PLXNA2: variants seen among roughly 807,000 people sequenced by gnomAD.
PLXNA2 encodes the protein plexin A2, also known as plexin-A2.
A neutral mutation model predicts 193.5 loss-of-function variants in PLXNA2; 91 were observed. The ratio of observed to expected loss-of-function variants is 0.47; its 90% confidence interval spans 0.40 to 0.56. PLXNA2 has a LOEUF of 0.56. Ranked by LOEUF, PLXNA2 falls within the 20% of genes least tolerant of loss-of-function variation. The pLI, the probability that PLXNA2 is intolerant of heterozygous loss-of-function variation, is 0.00. For missense variants in PLXNA2, 1,995 were observed against 2,503.2 expected (o/e 0.80, Z 4.33); for synonymous variants, 997 against 1,027.3 (o/e 0.97, Z 0.56).
rs1455578134 is a variant in PLXNA2 at position 208,087,025 on chromosome 1, CAG to C, written c.2098-2447_2098-2446del. Among the ~76,000 whole-genome samples, 21 of 145,282 alleles carry C rather than the reference CAG, an allele frequency of 1.4e-4. No homozygotes were observed. The East Asian group carries it at 4.3e-3, about 30-fold the overall frequency. On this transcript the variant is annotated intron_variant, in intron 9 of 31. Coordinates refer to ENST00000367033, the MANE Select transcript of PLXNA2 (RefSeq NM_025179.4). ...AGAGAGAGAGAGAGAGACAGACAGACAGACAGAGAGACAGAGAGAAAGAGAGA... is the reference window on the plus strand; with the variant it reads ...AGAGAGAGAGAGAGAGACAGACAGACACAGAGAGACAGAGAGAAAGAGAGA...
chr1:208,162,035 C>T (rs551395861), intron 3 of PLXNA2, among the ~76,000 whole-genome samples: 1 of 152,186 alleles, frequency 6.6e-6, no homozygotes, highest in African/African-American at 2.4e-5. Flanking sequence ...TCCCCTTCTT[C>T]GCCCTGGAGT....
chr1:208,239,115 G>A (rs1671962302), intron 1 of PLXNA2, among the ~76,000 whole-genome samples: 2 of 151,370 alleles, frequency 1.3e-5, no homozygotes, highest in African/African-American at 2.4e-5. Flanking sequence ...ACGGCTGGGA[G>A]TTTCGAATAT....
At chr1:208,166,450 T>C (rs555783935) in intron 3 of PLXNA2, among the ~76,000 whole-genome samples, 4 of 152,352 alleles carry the variant, frequency 2.6e-5, no homozygotes, top group African/African-American at 9.6e-5. Context: ...AGGAAGGCAT[T>C]CAAATACAGC....
At chr1:208,126,439 T>G (rs1667978806) in intron 4 of PLXNA2, among the ~76,000 whole-genome samples, 1 of 152,308 alleles carries the variant, frequency 6.6e-6, no homozygotes, top group East Asian at 1.9e-4. Flanking sequence ...GACTGCCCAG[T>G]GCTACCAAGG....
intron 4 of PLXNA2, among the ~76,000 whole-genome samples, chr1:208,132,530 TTA>T (rs1284916962): frequency 1.3e-5 from 2 of 152,194 alleles, no homozygotes; most frequent in East Asian, 3.8e-4. Flanking sequence ...ACAATAATAC[TTA>T]TCTCATAGGA....
intron 12 of PLXNA2, among the ~76,000 whole-genome samples, chr1:208,077,302 A>C (rs1666191007): frequency 6.6e-6 from 1 of 152,194 alleles, no homozygotes; most frequent in South Asian, 2.1e-4. Context: ...GGGAAAATCA[A>C]TTACAGCATA....
At chr1:208,068,939 T>C (rs1571881497) in intron 12 of PLXNA2, among the ~76,000 whole-genome samples, 1 of 152,306 alleles carries the variant, frequency 6.6e-6, no homozygotes, top group African/African-American at 2.4e-5. Flanking sequence ...TATTGACTGG[T>C]TGTAGAATAA....
At chr1:208,243,308 A>G (rs1672122016) in intron 1 of PLXNA2, among the ~76,000 whole-genome samples, 1 of 152,054 alleles carries the variant, frequency 6.6e-6, no homozygotes, top group Admixed American at 6.5e-5. Flanking sequence ...AGCTCCCCAA[A>G]GCCGCAGAGC....
chr1:208,217,466 G>A lies in PLXNA2; in HGVS notation c.457C>T (p.His153Tyr). The A allele has an allele frequency of 6.2e-7, 1 of 1,614,202 alleles. No homozygotes were observed. The highest frequency in any genetic ancestry group is 8.5e-7 in the Non-Finnish European group (1 of 1,180,034). ...DDLFILVEPS[H>Y]KKEHYLSSVN... Reference sequence around the variant, plus strand: ...CTGGACAGGTAGTGCTCCTTCTTGTGGGATGGCTCCACCAGGATGAAGAGG... The same window carrying A: ...CTGGACAGGTAGTGCTCCTTCTTGTAGGATGGCTCCACCAGGATGAAGAGG... The change falls in exon 2 of 32, where the codon CAC becomes TAC. Residue 153 changes from histidine (H) to tyrosine (Y), a missense_variant. This residue lies in a region of PLXNA2 where 702 missense variants were observed against 812.9 expected (regional missense o/e 0.86). Transcript: ENST00000367033. The surrounding 1 kb of genome is among the most constrained non-coding windows in gnomAD (Gnocchi z 4.7).
At chr1:208,146,021 AG>A (rs1307529809) in intron 3 of PLXNA2, among the ~76,000 whole-genome samples, 1 of 152,142 alleles carries the variant, frequency 6.6e-6, no homozygotes, top group Non-Finnish European at 1.5e-5. Flanking sequence ...AGATACGTAT[AG>A]GGGGTCAGAG....
chr1:208,232,830 CT>C (rs1159746407), intron 1 of PLXNA2, among the ~76,000 whole-genome samples: 1 of 152,200 alleles, frequency 6.6e-6, no homozygotes, highest in Non-Finnish European at 1.5e-5. Flanking sequence ...TGAGAACCAA[CT>C]TTACTTACTT....
At position 208,031,487 on chromosome 1, in the gene PLXNA2, C is replaced by T. The variant is rs973983265; in HGVS notation, c.5225+103G>A. ...GAGCTTTGGATCACCCAGCCCCAGC[C>T]GAGAATAGGCTATCCTCCCACCCTC... is the stretch of plus-strand genomic sequence containing the variant. On this transcript the variant is annotated intron_variant, in intron 29 of 31. Coordinates refer to ENST00000367033, the MANE Select transcript of PLXNA2 (RefSeq NM_025179.4). 72 of 1,461,914 alleles carry T rather than the reference C, an allele frequency of 4.9e-5. No homozygotes were observed. The South Asian group carries it at 6.6e-4, about 13-fold the overall frequency. The allele number at this position is 1,461,914 out of a possible 1,614,324, so 90.6% of individuals were successfully genotyped here.
intron 3 of PLXNA2, among the ~76,000 whole-genome samples, chr1:208,188,098 T>C (rs1015718058): frequency 3.9e-5 from 6 of 152,250 alleles, no homozygotes; most frequent in Admixed American, 2.6e-4. Context: ...TTTATGAGAA[T>C]GGAGCCCCCA....
At position 208,210,445 on chromosome 1, in the gene PLXNA2, A is replaced by G; in HGVS notation, c.1206T>C (p.Asp402=). The change falls in exon 3 of 32, where the codon GAT becomes GAC. Residue 402 remains aspartate, a synonymous_variant. Coordinates refer to ENST00000367033, the MANE Select transcript of PLXNA2 (RefSeq NM_025179.4). ...GGTTGATGTCCAGTCCACAGAAGTT[A>G]TCATCGATGGGGACAGGCTGGAGGG... is the stretch of plus-strand genomic sequence containing the variant. ...QCTKAPVPID[D]NFCGLDINQP... 1 of 1,612,782 alleles carries G rather than the reference A, an allele frequency of 6.2e-7. No homozygotes were observed. Among genetic ancestry groups the G allele is most frequent in the Non-Finnish European group, 8.5e-7 (1 of 1,179,148 alleles).
chr1:208,210,469 G>A lies in PLXNA2; in HGVS notation c.1189-7C>T. ...TATCATCGATGGGGACAGGCTGGAGGGAAGCGGAAGGAATTGGGGTGAGTA... is the reference window on the plus strand; with the variant it reads ...TATCATCGATGGGGACAGGCTGGAGAGAAGCGGAAGGAATTGGGGTGAGTA... On this transcript the variant is annotated splice_polypyrimidine_tract_variant and splice_region_variant and intron_variant, in intron 2 of 31. Coordinates refer to ENST00000367033, the MANE Select transcript of PLXNA2 (RefSeq NM_025179.4). The A allele has an allele frequency of 6.2e-7, 1 of 1,605,910 alleles. No homozygotes were observed. Among genetic ancestry groups the A allele is most frequent in the Non-Finnish European group, 8.5e-7 (1 of 1,174,758 alleles).
At chr1:208,223,148 C>T (rs1229328185) in intron 1 of PLXNA2, among the ~76,000 whole-genome samples, 1 of 150,260 alleles carries the variant, frequency 6.7e-6, no homozygotes, top group Non-Finnish European at 1.5e-5. Context: ...AGTCCGTCTT[C>T]TCCTTCAGCT....
chr1:208,051,255 C>A lies in PLXNA2; in HGVS notation c.3161+1G>T. 1.2e-6 allele frequency: 2 copies of A among 1,604,188 alleles called. No individual in the cohort carries two copies. The highest frequency in any genetic ancestry group is 1.1e-5 in the South Asian group (1 of 90,206). ...TGCATCCCTCCCACCTTCCACCTCA[C>A]CTGGCAATGCTCCACTCTGGCTCGA... is the stretch of plus-strand genomic sequence containing the variant. On this transcript the variant is annotated splice_donor_variant, in intron 16 of 31. Transcript: ENST00000367033. LOFTEE classifies it high-confidence loss of function.
At chr1:208,063,989 C>T (rs765840808) in intron 12 of PLXNA2, among the ~76,000 whole-genome samples, 37 of 152,208 alleles carry the variant, frequency 2.4e-4, no homozygotes, top group African/African-American at 8.2e-4. Flanking sequence ...CGTCTAAAAA[C>T]GAACTCTTAA....
intron 3 of PLXNA2, among the ~76,000 whole-genome samples, chr1:208,146,791 G>T (rs949020853): frequency 6.6e-6 from 1 of 152,178 alleles, no homozygotes; most frequent in Non-Finnish European, 1.5e-5. Flanking sequence ...ACCAGGCAGC[G>T]GAGGATACTG....
Sources: allele counts gnomAD v4.1 joint callset (sites outside exome capture counted in the v4.1 genomes callset), GRCh38; gene constraint gnomAD v4.1.1; regional missense constraint gnomAD v4.1.1; non-coding constraint Gnocchi (gnomAD v3.1); transcripts MANE v1.5; gene names NCBI Gene and HGNC (gene_info 2026-07-23, HGNC 2026-07-21).